CCDC192: variants seen among roughly 807,000 people sequenced by gnomAD.
The protein encoded by CCDC192 is coiled-coil domain-containing protein 192.
At chr5:127,747,275 G>C (rs565673381) in intron 2 of CCDC192, among the ~76,000 whole-genome samples, 36 of 150,478 alleles carry the variant, frequency 2.4e-4, no homozygotes, top group Admixed American at 8.6e-4. Context: ...CCCCGCAACA[G>C]TCCCCAGAGT....
intron 6 of CCDC192, among the ~76,000 whole-genome samples, chr5:127,922,055 G>T (rs1308885323): frequency 6.6e-6 from 1 of 152,130 alleles, no homozygotes; most frequent in Non-Finnish European, 1.5e-5. Context: ...TTCTGTGTTA[G>T]TTCTCTAGCC....
intron 2 of CCDC192, among the ~76,000 whole-genome samples, chr5:127,719,309 C>T (rs1039964321): frequency 9.9e-5 from 15 of 151,630 alleles, no homozygotes; most frequent in African/African-American, 3.6e-4. Context: ...TTGATGGACA[C>T]TTAGACTGCT....
chr5:127,841,771 G>A (rs1210843856), intron 5 of CCDC192, among the ~76,000 whole-genome samples: 1 of 152,120 alleles, frequency 6.6e-6, no homozygotes, highest in Non-Finnish European at 1.5e-5. Context: ...CCCAAGCCTT[G>A]GGTCACCAGC....
intron 3 of CCDC192, among the ~76,000 whole-genome samples, chr5:127,762,541 C>T (rs1250393505): frequency 6.6e-6 from 1 of 152,142 alleles, no homozygotes; most frequent in East Asian, 1.9e-4. Flanking sequence ...TAGAGTCAAA[C>T]ACAATGACAA....
intron 1 of CCDC192, among the ~76,000 whole-genome samples, chr5:127,706,929 G>GA (rs1258346133): frequency 3.3e-5 from 5 of 152,126 alleles, no homozygotes; most frequent in Non-Finnish European, 7.4e-5. Flanking sequence ...TGGATAGACT[G>GA]AAAGTATCCA....
intron 5 of CCDC192, among the ~76,000 whole-genome samples, chr5:127,803,081 C>T (rs901999678): frequency 6.6e-6 from 1 of 152,126 alleles, no homozygotes; most frequent in Non-Finnish European, 1.5e-5. Flanking sequence ...CTAAAGGAAA[C>T]ATGGTCTTAA....
At chr5:127,730,151 A>G (rs761674874) in intron 2 of CCDC192, among the ~76,000 whole-genome samples, 26 of 152,146 alleles carry the variant, frequency 1.7e-4, no homozygotes, top group Non-Finnish European at 2.8e-4. Context: ...GAAAAGAGAG[A>G]GGAATCAAAT....
intron 5 of CCDC192, among the ~76,000 whole-genome samples, chr5:127,839,434 A>G (rs1178774386): frequency 1.3e-5 from 2 of 152,246 alleles, no homozygotes; most frequent in Non-Finnish European, 2.9e-5. Context: ...AAAGCCAGGA[A>G]GAAAATATAC....
intron 6 of CCDC192, among the ~76,000 whole-genome samples, chr5:127,880,838 G>C (rs1256020178): frequency 2.0e-5 from 3 of 151,918 alleles, no homozygotes; most frequent in African/African-American, 7.3e-5. Context: ...AAACTAGCTG[G>C]ATATGGTGGT....
intron 5 of CCDC192, among the ~76,000 whole-genome samples, chr5:127,829,099 G>A (rs897627601): frequency 3.9e-5 from 6 of 152,110 alleles, no homozygotes; most frequent in African/African-American, 9.7e-5. Flanking sequence ...GGGAGAACCC[G>A]GTATGCTGCT....
intron 3 of CCDC192, among the ~76,000 whole-genome samples, chr5:127,768,635 T>C (rs892656015): frequency 6.6e-6 from 1 of 152,242 alleles, no homozygotes; most frequent in Non-Finnish European, 1.5e-5. Context: ...GAGATTATTA[T>C]GCTTCTAAGT....
rs1168212422 is a variant in CCDC192 at position 127,800,376 on chromosome 5, G to GAAAAAAAAA, written c.411+2231_411+2239dup. Reference sequence around the variant, plus strand: ...TCCATAGGATGCTAAGAGGTATTCTGAAAAAAAAAAAAAAAAAAAAAAAAA... The same window carrying GAAAAAAAAA: ...TCCATAGGATGCTAAGAGGTATTCTGAAAAAAAAAAAAAAAAAAAAAAAAAAAAAAAAAA... On this transcript the variant is annotated intron_variant, in intron 5 of 6. Coordinates refer to ENST00000514853, the MANE Select transcript of CCDC192 (RefSeq NM_001317938.2). 3.0e-3 allele frequency among the ~76,000 whole-genome samples: 59 copies of GAAAAAAAAA among 19,488 alleles called. 1 individual carries two copies. Among genetic ancestry groups the GAAAAAAAAA allele is most frequent in the African/African-American group, 4.9e-3 (21 of 4,248 alleles). The allele number at this position is 19,488 out of a possible 152,430, so 12.8% of individuals were successfully genotyped here.
chr5:127,797,111 C>T lies in CCDC192; in HGVS notation c.231C>T (p.Val77=). 1 of 398,028 alleles carries T rather than the reference C, an allele frequency of 2.5e-6. No individual in the cohort carries two copies. Among genetic ancestry groups the T allele is most frequent in the East Asian group, 3.6e-5 (1 of 27,980 alleles). The allele number at this position is 398,028 out of a possible 1,614,324, so 24.7% of individuals were successfully genotyped here. A position where few individuals can be genotyped will look rare whatever the true frequency, so the allele number is the denominator to read the frequency against. Residue 77 remains valine (V), a synonymous_variant, in exon 4 of 7, where the codon GTC becomes GTT. Transcript: ENST00000514853. ...KAKALSEQLS[V]SEGTKSKLLE... The stretch of plus-strand genomic sequence containing the variant: ...AAAGAAAATATCTTTAGCTTTCAGT[C>T]TCTGAAGGAACAAAATCAAAACTGC...
chr5:127,804,426 G>C (rs576979058), intron 5 of CCDC192, among the ~76,000 whole-genome samples: 1 of 152,224 alleles, frequency 6.6e-6, no homozygotes, highest in East Asian at 1.9e-4. Flanking sequence ...ATTCAGGTGA[G>C]GAAAGAGAGA....
intron 1 of CCDC192, among the ~76,000 whole-genome samples, chr5:127,704,960 G>A (rs1750880745): frequency 6.6e-6 from 1 of 152,034 alleles, no homozygotes; most frequent in African/African-American, 2.4e-5. Flanking sequence ...AGTTTAGAAA[G>A]CGGAAAGACA....
At chr5:127,829,563 A>G (rs1749690151) in intron 5 of CCDC192, among the ~76,000 whole-genome samples, 1 of 152,242 alleles carries the variant, frequency 6.6e-6, no homozygotes, top group Non-Finnish European at 1.5e-5. Context: ...AGCTAGGTGA[A>G]GAACACCTAC....
At chr5:127,755,574 C>A (rs1346537740) in intron 3 of CCDC192, among the ~76,000 whole-genome samples, 1 of 148,618 alleles carries the variant, frequency 6.7e-6, no homozygotes, top group Non-Finnish European at 1.5e-5. Context: ...AGCCTGCCAA[C>A]TGTTGTTTTT....
chr5:127,717,928 C>CAAAAAAAAAAAAAAGAAAAAAA (rs1751719067), intron 2 of CCDC192, among the ~76,000 whole-genome samples: 1 of 98,074 alleles, frequency 1.0e-5, no homozygotes, highest in Non-Finnish European at 2.0e-5. Flanking sequence ...TAAAGCTAGA[C>CAAAAAAAAAAAAAAGAAAAAAA]AAAAAAAAAA....
At chr5:127,861,993 G>A (rs185235657) in intron 5 of CCDC192, among the ~76,000 whole-genome samples, 20 of 152,296 alleles carry the variant, frequency 1.3e-4, no homozygotes, top group African/African-American at 4.6e-4. Context: ...TTTTAAGGGA[G>A]TTGTGAGTGG....
Sources: allele counts gnomAD v4.1 joint callset (sites outside exome capture counted in the v4.1 genomes callset), GRCh38; gene constraint gnomAD v4.1.1; transcripts MANE v1.5; gene names NCBI Gene and HGNC (gene_info 2026-07-23, HGNC 2026-07-21).